Variants in RASSF9 observed in about 807,000 individuals in gnomAD.
RASSF9 encodes the protein ras association domain-containing protein 9.
A neutral mutation model predicts 21.4 loss-of-function variants in RASSF9; 18 were observed. The ratio of observed to expected loss-of-function variants is 0.84; its 90% confidence interval spans 0.58 to 1.25. The LOEUF is 1.25. Ranked by LOEUF, RASSF9 falls within the 50% of genes most tolerant of loss-of-function variation. The pLI is 0.00. For synonymous variants in RASSF9, 183 were observed against 179.1 expected, an observed-to-expected ratio of 1.02 and a Z score of -0.18; for missense variants, 480 against 503.2, an observed-to-expected ratio of 0.95 and a Z score of 0.44.
At chr12:85,833,568 A>T (rs912214611) in intron 1 of RASSF9, among the ~76,000 whole-genome samples, 37 of 151,920 alleles carry the variant, frequency 2.4e-4, no homozygotes, top group African/African-American at 8.7e-4. Context: ...ATTAAATATC[A>T]CTCCAAGAGT....
intron 1 of RASSF9, among the ~76,000 whole-genome samples, chr12:85,835,342 G>C (rs55754162): frequency 6.6e-6 from 1 of 151,950 alleles, no homozygotes; most frequent in Non-Finnish European, 1.5e-5. Flanking sequence ...GCATGAAAAC[G>C]TAACATTTGA....
intron 1 of RASSF9, among the ~76,000 whole-genome samples, chr12:85,818,853 G>GGAGGCA (rs1334487557): frequency 6.6e-6 from 1 of 151,674 alleles, no homozygotes; most frequent in East Asian, 1.9e-4. Context: ...CAGCTACTCT[G>GGAGGCA]GAGGCAGAGG....
rs1879755854 is a variant in RASSF9 at position 85,803,910 on chromosome 12, T to G, written c.*792A>C. The stretch of plus-strand genomic sequence containing the variant: ...CTTTTGTAGATAGGACATAAACAAA[T>G]AACACTATGACTGATTTTCTCTGTA... On this transcript the variant is annotated 3_prime_UTR_variant, in exon 2 of 2. Coordinates refer to ENST00000361228, the MANE Select transcript of RASSF9 (RefSeq NM_005447.4). 2 of 152,176 alleles carry G rather than the reference T, an allele frequency of 1.3e-5. No homozygotes were observed. Among genetic ancestry groups the G allele is most frequent in the Non-Finnish European group, 2.9e-5 (2 of 68,024 alleles). 9.4% of individuals were successfully genotyped at this position (152,176 alleles called of 1,614,324 possible). A position where few individuals can be genotyped will look rare whatever the true frequency, so the allele number is the denominator to read the frequency against.
At chr12:85,829,417 G>A (rs1375327615) in intron 1 of RASSF9, among the ~76,000 whole-genome samples, 4 of 152,016 alleles carry the variant, frequency 2.6e-5, no homozygotes, top group African/African-American at 4.8e-5. Context: ...ACTTTCAACC[G>A]ACAATGTTAT....
At chr12:85,819,099 T>C (rs1271172447) in intron 1 of RASSF9, among the ~76,000 whole-genome samples, 1 of 152,018 alleles carries the variant, frequency 6.6e-6, no homozygotes, top group East Asian at 1.9e-4. Flanking sequence ...AGTTTCTTCA[T>C]GGTATTGTAA....
chr12:85,814,898 T>C (rs940632765), intron 1 of RASSF9, among the ~76,000 whole-genome samples: 3 of 152,062 alleles, frequency 2.0e-5, no homozygotes, highest in Non-Finnish European at 2.9e-5. Flanking sequence ...AAAGAAGATG[T>C]GTGGATGACA....
At chr12:85,806,665 T>C (rs1427052924) in intron 1 of RASSF9, among the ~76,000 whole-genome samples, 4 of 87,590 alleles carry the variant, frequency 4.6e-5, no homozygotes, top group Non-Finnish European at 7.8e-5. Context: ...AGCGTGAGAC[T>C]CCATCTCAAA....
chr12:85,830,430 C>T (rs906665617), intron 1 of RASSF9, among the ~76,000 whole-genome samples: 4 of 152,020 alleles, frequency 2.6e-5, no homozygotes, highest in African/African-American at 9.7e-5. Flanking sequence ...CACTACTGAT[C>T]AGCTGTATTT....
intron 1 of RASSF9, among the ~76,000 whole-genome samples, chr12:85,813,447 TAA>T (rs1394310253): frequency 6.6e-6 from 1 of 151,734 alleles, no homozygotes; most frequent in Non-Finnish European, 1.5e-5. Context: ...AGAAATAAAT[TAA>T]GTTTAAATCT....
chr12:85,819,792 G>C (rs866379461), intron 1 of RASSF9, among the ~76,000 whole-genome samples: 2 of 152,078 alleles, frequency 1.3e-5, no homozygotes, highest in South Asian at 2.1e-4. Flanking sequence ...AAAGAAAGAA[G>C]ACAACAATAA....
At chr12:85,819,320 C>G (rs887613379) in intron 1 of RASSF9, among the ~76,000 whole-genome samples, 3 of 151,856 alleles carry the variant, frequency 2.0e-5, no homozygotes, top group East Asian at 1.9e-4. Flanking sequence ...ATTACAGGCA[C>G]GAGCCACAGT....
chr12:85,805,361 TAGC>T lies in RASSF9; in HGVS notation c.646_648del (p.Ala216del), dbSNP rs763840840. On this transcript the variant is annotated inframe_deletion, in exon 2 of 2. Coordinates refer to ENST00000361228, the MANE Select transcript of RASSF9 (RefSeq NM_005447.4). ...TTTTCTACTCGATCAAGATGGAACT[TAGC>T]TTCACACTTTTCAATTTCCAGATCC... 1.5e-4 allele frequency: 249 copies of T among 1,613,656 alleles called. 1 individual carries two copies. The highest frequency in any genetic ancestry group is 1.1e-4 in the East Asian group (5 of 44,872).
At chr12:85,834,436 G>A (rs773724624) in intron 1 of RASSF9, among the ~76,000 whole-genome samples, 3 of 151,894 alleles carry the variant, frequency 2.0e-5, no homozygotes, top group African/African-American at 7.3e-5. Flanking sequence ...TCACCTCCTC[G>A]AAAGAAAGCT....
intron 1 of RASSF9, among the ~76,000 whole-genome samples, chr12:85,807,955 A>C (rs541069764): frequency 6.6e-6 from 1 of 152,260 alleles, no homozygotes; most frequent in South Asian, 2.1e-4. Flanking sequence ...TGATGGTATA[A>C]CAGTTTTGAG....
intron 1 of RASSF9, among the ~76,000 whole-genome samples, chr12:85,821,751 A>C (rs1262367817): frequency 6.6e-6 from 1 of 152,158 alleles, no homozygotes; most frequent in Admixed American, 6.5e-5. Flanking sequence ...TAAACCAGTC[A>C]TGCGGGATAA....
chr12:85,834,248 A>T (rs927054595), intron 1 of RASSF9, among the ~76,000 whole-genome samples: 7 of 152,094 alleles, frequency 4.6e-5, no homozygotes, highest in Non-Finnish European at 8.8e-5. Context: ...AAGCTTACCC[A>T]TATCCTTACT....
Position 85,804,765 on chromosome 12 carries a change from G to T in RASSF9, c.1245C>A (p.Ile415=). Residue 415 remains isoleucine (I), a synonymous_variant, in exon 2 of 2, where the codon ATC becomes ATA. Coordinates refer to ENST00000361228, the MANE Select transcript of RASSF9 (RefSeq NM_005447.4). ...YTNDTDSDTG[I]SSNHSQDSET... ...CGGAGTCCTGACTGTGGTTAGAACT[G>T]ATACCAGTGTCCGAGTCTGTGTCAT... is the stretch of plus-strand genomic sequence containing the variant. 6.2e-7 allele frequency: 1 copy of T among 1,613,866 alleles called. No individual in the cohort carries two copies. Among genetic ancestry groups the T allele is most frequent in the Non-Finnish European group, 8.5e-7 (1 of 1,179,778 alleles).
rs1879684044 is a variant in RASSF9 at position 85,800,876 on chromosome 12, A to C, written c.*3826T>G. On this transcript the variant is annotated 3_prime_UTR_variant, in exon 2 of 2. Coordinates refer to ENST00000361228, the MANE Select transcript of RASSF9 (RefSeq NM_005447.4). ...AAATGTATTTCTTTGTCACTAGAAA[A>C]ATATGTTTTAAATAGATTATGTCTA... is the stretch of plus-strand genomic sequence containing the variant. The C allele has an allele frequency of 6.6e-6, 1 of 151,904 alleles. No individual in the cohort carries two copies. Among genetic ancestry groups the C allele is most frequent in the African/African-American group, 2.4e-5 (1 of 41,436 alleles). The allele number at this position is 151,904 out of a possible 1,614,324, so 9.4% of individuals were successfully genotyped here.
intron 1 of RASSF9, among the ~76,000 whole-genome samples, chr12:85,820,334 A>C (rs970242501): frequency 6.6e-6 from 1 of 152,144 alleles, no homozygotes; most frequent in African/African-American, 2.4e-5. Context: ...TAAAATATTT[A>C]CTGTTAGTCC....
Sources: gnomAD v4.1 joint callset for allele counts (sites outside exome capture counted in the v4.1 genomes callset) on GRCh38, gnomAD v4.1.1 for gene constraint, MANE v1.5 for transcripts, NCBI Gene and HGNC (gene_info 2026-07-23, HGNC 2026-07-21) for gene names.